The following QPCT variants were observed in gnomAD, a reference collection of about 807,000 sequenced individuals.
QPCT encodes the protein EC.
Under a neutral mutation model 43.4 loss-of-function variants are expected in QPCT, and 44 were observed. That is an observed-to-expected ratio of 1.01 (90% CI 0.80 to 1.30). The LOEUF (loss-of-function observed/expected upper bound fraction) is 1.30, where lower values mean the gene tolerates loss of function less well. Among genes scored for constraint, QPCT ranks in the 50% most tolerant of loss-of-function variants. The pLI, the probability that QPCT is intolerant of heterozygous loss-of-function variation, is 0.00. For synonymous variants in QPCT, 168 were observed against 168.4 expected (o/e 1.00, Z 0.02); for missense variants, 526 against 436.5 (o/e 1.21, Z -1.83).
chr2:37,350,855 C>G (rs909152832), intron 1 of QPCT, among the ~76,000 whole-genome samples: 4 of 152,160 alleles, frequency 2.6e-5, no homozygotes, highest in Admixed American at 2.0e-4. Context: ...TATGTTAGTT[C>G]ACTTAATTCT....
intron 4 of QPCT, 122 bp from the exon 5 acceptor site, chr2:37,369,563 T>C (rs1355847536): frequency 1.4e-6 from 1 of 723,484 alleles, no homozygotes; most frequent in African/African-American, 1.8e-5. Context: ...TTCATTCATA[T>C]AGCTTGCCAT....
At chr2:37,372,561 A>G (rs1673102100) in intron 6 of QPCT, 89 bp downstream of exon 6, 2 of 1,446,500 alleles carry the variant, frequency 1.4e-6, no homozygotes, top group African/African-American at 1.4e-5. Flanking sequence ...AAGTACACAG[A>G]TGATGATGAA....
intron 1 of QPCT, among the ~76,000 whole-genome samples, chr2:37,347,191 TAA>T (rs1491199170): frequency 4.6e-5 from 4 of 86,096 alleles, no homozygotes; most frequent in East Asian, 6.0e-4. Flanking sequence ...CATATATATA[TAA>T]CATATATATA....
At chr2:37,358,570 C>T (rs566309902) in intron 2 of QPCT, 1 of 152,280 alleles carries the variant, frequency 6.6e-6, no homozygotes, top group South Asian at 2.1e-4. Flanking sequence ...CTTCTCACAT[C>T]GTGAAGTCTA....
intron 1 of QPCT, among the ~76,000 whole-genome samples, chr2:37,348,122 G>A (rs1441602178): frequency 2.6e-5 from 4 of 152,048 alleles, no homozygotes; most frequent in Non-Finnish European, 4.4e-5. Flanking sequence ...TGGAAGCAAC[G>A]ACGGAGACTC....
chr2:37,356,235 C>A (rs1035658541), intron 2 of QPCT, among the ~76,000 whole-genome samples: 1 of 152,082 alleles, frequency 6.6e-6, no homozygotes, highest in African/African-American at 2.4e-5. Context: ...CTTGTAACAG[C>A]CTCTCTCTCG....
At chr2:37,347,397 C>G (rs1672527989) in intron 1 of QPCT, among the ~76,000 whole-genome samples, 1 of 150,660 alleles carries the variant, frequency 6.6e-6, no homozygotes, top group Non-Finnish European at 1.5e-5. Flanking sequence ...CTGATCTCTC[C>G]TTTCTTCTTC....
chr2:37,355,618 C>T (rs1333270411), intron 2 of QPCT, among the ~76,000 whole-genome samples: 3 of 152,094 alleles, frequency 2.0e-5, no homozygotes, highest in Non-Finnish European at 4.4e-5. Flanking sequence ...CCACATTATG[C>T]GTTTTCCTGG....
At position 37,365,001 on chromosome 2, in the gene QPCT, ATATTAT is replaced by A. The variant is rs141276841; in HGVS notation, c.547-2214_547-2209del. Reference sequence around the variant, plus strand: ...AACATACTAAGGCTCCGCCTCTACAATATTATTATTATTATTATTATTTTAAAATAA... The same window carrying A: ...AACATACTAAGGCTCCGCCTCTACAATATTATTATTATTATTTTAAAATAA... On this transcript the variant is annotated intron_variant, in intron 3 of 6. Coordinates refer to ENST00000338415, the MANE Select transcript of QPCT (RefSeq NM_012413.4). Among the ~76,000 whole-genome samples the A allele has an allele frequency of 3.7e-3, 549 of 147,472 alleles. 5 individuals carry two copies. Among genetic ancestry groups the A allele is most frequent in the African/African-American group, 0.013 (513 of 40,400 alleles).
At chr2:37,364,457 A>G (rs113767283) in intron 3 of QPCT, among the ~76,000 whole-genome samples, 1 of 152,248 alleles carries the variant, frequency 6.6e-6, no homozygotes, top group African/African-American at 2.4e-5. Context: ...CCAGACAGAC[A>G]TGAGAAATAA....
rs950390636 is a variant in QPCT, at chr2:37,367,533, C to T, written c.723+125C>T. The T allele has an allele frequency of 7.9e-5, 77 of 971,648 alleles. No individual in the cohort carries two copies. The South Asian group carries it at 8.4e-4, about 11-fold the overall frequency. The allele number at this position is 971,648 out of a possible 1,614,324, so 60.2% of individuals were successfully genotyped here. On this transcript the variant is annotated intron_variant, in intron 4 of 6. Transcript: ENST00000338415. ...TTGGAGCACAGTGTTTATGATAGAA[C>T]ATTCCTTGGCAGGCATTGGGTTTTT...
intron 5 of QPCT, 27 bp downstream of exon 5, chr2:37,369,811 A>C (rs1382537498): frequency 6.6e-7 from 1 of 1,506,322 alleles, no homozygotes; most frequent in African/African-American, 1.4e-5. Flanking sequence ...TTAATGAATA[A>C]AACATCATTT....
At chr2:37,362,853 C>G (rs1021662466) in intron 3 of QPCT, among the ~76,000 whole-genome samples, 11 of 152,194 alleles carry the variant, frequency 7.2e-5, no homozygotes, top group Non-Finnish European at 1.6e-4. Flanking sequence ...CTAAGTCTGT[C>G]TAAGGAATAT....
chr2:37,347,824 G>T lies in QPCT; in HGVS notation c.120+2973G>T, dbSNP rs566278739. Among the ~76,000 whole-genome samples, 5 of 152,234 alleles carry T rather than the reference G, an allele frequency of 3.3e-5. No individual in the cohort carries two copies. In the East Asian group the frequency reaches 9.6e-4, roughly 29 times the overall value. ...CTTCCTTAGGTGCGAATGACTGATG[G>T]CTTTTGAGGGCTTTATATGCTCTTT... is the stretch of plus-strand genomic sequence containing the variant. On this transcript the variant is annotated intron_variant, in intron 1 of 6. Coordinates refer to ENST00000338415, the MANE Select transcript of QPCT (RefSeq NM_012413.4).
intron 2 of QPCT, among the ~76,000 whole-genome samples, chr2:37,353,766 A>G (rs1357642132): frequency 1.3e-5 from 2 of 152,190 alleles, no homozygotes; most frequent in Non-Finnish European, 2.9e-5. Context: ...AAGGAATGGG[A>G]CTGGCCCTTC....
At chr2:37,355,171 A>T (rs1319453915) in intron 2 of QPCT, among the ~76,000 whole-genome samples, 2 of 152,208 alleles carry the variant, frequency 1.3e-5, no homozygotes. Flanking sequence ...GCTGATGGCT[A>T]TGTTAGATAT....
chr2:37,361,845 G>C (rs1225833016), intron 3 of QPCT, among the ~76,000 whole-genome samples: 1 of 152,226 alleles, frequency 6.6e-6, no homozygotes, highest in African/African-American at 2.4e-5. Context: ...AGATAACCCA[G>C]ACTGTGTGAA....
chr2:37,365,895 G>A (rs1261491020), intron 3 of QPCT, among the ~76,000 whole-genome samples: 1 of 152,188 alleles, frequency 6.6e-6, no homozygotes, highest in Non-Finnish European at 1.5e-5. Context: ...CCAATGTGAG[G>A]TTTGTGGTCA....
intron 5 of QPCT, 132 bp downstream of exon 5, chr2:37,369,916 C>T: frequency 1.3e-6 from 1 of 774,980 alleles, no homozygotes. Context: ...CTTTGGGAGG[C>T]CAAGGCAGGC....
Sources: allele counts gnomAD v4.1 joint callset (sites outside exome capture counted in the v4.1 genomes callset), GRCh38; gene constraint gnomAD v4.1.1; transcripts MANE v1.5; gene names NCBI Gene and HGNC (gene_info 2026-07-23, HGNC 2026-07-21).